GRM8: variants seen among roughly 807,000 people sequenced by gnomAD.
The protein encoded by GRM8 is metabotropic glutamate receptor 8.
GRM8 carries 47 observed loss-of-function variants against 87.2 expected under a neutral mutation model. The ratio of observed to expected loss-of-function variants is 0.54; its 90% CI spans 0.43 to 0.69. The LOEUF is 0.69. Ranked by LOEUF, GRM8 falls within the 30% of genes least tolerant of loss-of-function variation. The probability of loss-of-function intolerance (pLI) is 0.00; values close to 1 mark genes in which losing one functional copy is unlikely to be tolerated. For synonymous variants in GRM8, 396 were observed against 404.5 expected (o/e 0.98, Z 0.25); for missense variants, 1,019 against 1,139.2 (o/e 0.89, Z 1.52).
intron 9 of GRM8, among the ~76,000 whole-genome samples, chr7:126,521,910 TA>T (rs1813041795): frequency 6.6e-6 from 1 of 152,222 alleles, no homozygotes; most frequent in South Asian, 2.1e-4. Flanking sequence ...CTCAAAATCA[TA>T]ATCTACCAGA....
intron 7 of GRM8, among the ~76,000 whole-genome samples, chr7:126,678,365 T>A (rs1456192739): frequency 1.1e-4 from 17 of 152,216 alleles, no homozygotes; most frequent in Non-Finnish European, 1.6e-4. Flanking sequence ...AATCTGATTC[T>A]GAAGTATCTT....
intron 3 of GRM8, among the ~76,000 whole-genome samples, chr7:126,949,771 T>C (rs752651169): frequency 6.6e-6 from 1 of 152,126 alleles, no homozygotes; most frequent in Non-Finnish European, 1.5e-5. Flanking sequence ...TCTTGCATAA[T>C]GGAGCCAGAG....
intron 6 of GRM8, among the ~76,000 whole-genome samples, chr7:126,892,616 C>T (rs1186273013): frequency 2.0e-5 from 3 of 152,120 alleles, no homozygotes; most frequent in East Asian, 1.9e-4. Context: ...TGTGTCTTTA[C>T]AGCAGCATGA....
chr7:126,550,111 T>C (rs1792416494), intron 8 of GRM8, among the ~76,000 whole-genome samples: 1 of 150,210 alleles, frequency 6.7e-6, no homozygotes, highest in Non-Finnish European at 1.5e-5. Context: ...GTTTTTTGTT[T>C]TTTTGTTTTT....
chr7:127,140,648 T>G (rs1401638911), intron 2 of GRM8, among the ~76,000 whole-genome samples: 1 of 152,080 alleles, frequency 6.6e-6, no homozygotes, highest in Non-Finnish European at 1.5e-5. Context: ...CATTTCCTTT[T>G]CTGAACACCT....
intron 3 of GRM8, among the ~76,000 whole-genome samples, chr7:127,055,559 A>T (rs1296387438): frequency 6.6e-6 from 1 of 152,164 alleles, no homozygotes; most frequent in African/African-American, 2.4e-5. Flanking sequence ...CATAATCTAC[A>T]AATGGCCTAA....
chr7:127,080,880 A>G (rs1822784930), intron 3 of GRM8: 1 of 152,238 alleles, frequency 6.6e-6, no homozygotes, highest in Admixed American at 6.5e-5. Flanking sequence ...ACTTCTTGCT[A>G]TATAGGAAGA....
Position 127,113,648 on chromosome 7 carries a change from G to A in GRM8, c.511-6936C>T, listed in dbSNP as rs545025487. On this transcript the variant is annotated intron_variant, in intron 2 of 10. Coordinates refer to ENST00000339582, the MANE Select transcript of GRM8 (RefSeq NM_000845.3). ...TTGAAGCCACATTCTTCCCTTAGGG[G>A]GTAGTGCTTGACCAAGCACTTTTCC... 2.6e-5 allele frequency among the ~76,000 whole-genome samples: 4 copies of A among 152,136 alleles called. No homozygotes were observed. In the East Asian group the frequency reaches 5.8e-4, roughly 22 times the overall value.
At chr7:127,230,685 C>T (rs538180995) in intron 2 of GRM8, among the ~76,000 whole-genome samples, 3 of 152,198 alleles carry the variant, frequency 2.0e-5, no homozygotes, top group Admixed American at 6.5e-5. Context: ...CAGGAGAGAG[C>T]TTTTCTTATC....
At chr7:127,245,641 T>G (rs1427369497) in intron 1 of GRM8, among the ~76,000 whole-genome samples, 1 of 152,172 alleles carries the variant, frequency 6.6e-6, no homozygotes, top group Non-Finnish European at 1.5e-5. Context: ...TAGCTTTGTT[T>G]GGAGCTTTAA....
At chr7:127,000,229 A>C (rs571885730) in intron 3 of GRM8, among the ~76,000 whole-genome samples, 1 of 151,934 alleles carries the variant, frequency 6.6e-6, no homozygotes, top group African/African-American at 2.4e-5. Context: ...AAGGATGGTT[A>C]CCAGAAACTG....
chr7:127,028,516 T>C (rs1817032376), intron 3 of GRM8, among the ~76,000 whole-genome samples: 1 of 152,212 alleles, frequency 6.6e-6, no homozygotes, highest in South Asian at 2.1e-4. Context: ...TCAGAACCTG[T>C]TATTGGTCTA....
intron 8 of GRM8, among the ~76,000 whole-genome samples, chr7:126,553,534 T>C (rs1181188388): frequency 1.3e-5 from 2 of 152,176 alleles, no homozygotes; most frequent in East Asian, 3.8e-4. Flanking sequence ...GTCACATGAA[T>C]GAATAAAACT....
At chr7:127,098,390 A>T (rs1202967689) in intron 3 of GRM8, among the ~76,000 whole-genome samples, 2 of 152,182 alleles carry the variant, frequency 1.3e-5, no homozygotes, top group African/African-American at 4.8e-5. Context: ...CTGTCATTGA[A>T]AATACTTCGT....
intron 9 of GRM8, among the ~76,000 whole-genome samples, chr7:126,475,559 C>G (rs1805803332): frequency 1.3e-5 from 2 of 151,904 alleles, no homozygotes; most frequent in South Asian, 4.2e-4. Context: ...TCTACAAATT[C>G]AATGTAATGC....
intron 3 of GRM8, among the ~76,000 whole-genome samples, chr7:127,078,936 C>A (rs144515391): frequency 1.3e-5 from 2 of 152,252 alleles, no homozygotes; most frequent in East Asian, 1.9e-4. Flanking sequence ...AATTGACATT[C>A]ATCTATAAGG....
intron 7 of GRM8, among the ~76,000 whole-genome samples, chr7:126,755,313 A>C (rs1212127696): frequency 6.6e-6 from 1 of 151,930 alleles, no homozygotes; most frequent in Non-Finnish European, 1.5e-5. Context: ...AATTCTCTTT[A>C]TGGTTTTGGC....
Position 126,533,525 on chromosome 7 carries a change from G to A in GRM8, c.1857C>T (p.Arg619=). The stretch of plus-strand genomic sequence containing the variant: ...CCGTTAGGAGCACGTAACTAAGTTC[G>A]CGTCCTGAAGCCCTCACGATAGGTG... ...NDTPIVRASG[R]ELSYVLLTGI... Residue 619 remains arginine, a synonymous_variant, in exon 9 of 11, where the codon CGC becomes CGT. Coordinates refer to ENST00000339582, the MANE Select transcript of GRM8 (RefSeq NM_000845.3). The A allele has an allele frequency of 6.2e-7, 1 of 1,614,026 alleles. No homozygotes were observed. Among genetic ancestry groups the A allele is most frequent in the Admixed American group, 1.7e-5 (1 of 60,016 alleles).
At chr7:127,069,545 G>A (rs577450067) in intron 3 of GRM8, among the ~76,000 whole-genome samples, 5 of 152,222 alleles carry the variant, frequency 3.3e-5, no homozygotes, top group South Asian at 2.1e-4. Flanking sequence ...AGGGATTCAC[G>A]AGTATGACTT....
Sources: gnomAD v4.1 joint callset for allele counts (sites outside exome capture counted in the v4.1 genomes callset) on GRCh38, gnomAD v4.1.1 for gene constraint, MANE v1.5 for transcripts, NCBI Gene and HGNC (gene_info 2026-07-23, HGNC 2026-07-21) for gene names.